FNTB: variants seen among roughly 807,000 people sequenced by gnomAD.
The protein encoded by FNTB is farnesyltransferase, CAAX box, subunit beta.
In FNTB, 27 loss-of-function variants were observed where a neutral mutation model predicts 59.4. That is an observed-to-expected ratio of 0.45 (90% CI 0.34 to 0.63). The LOEUF (loss-of-function observed/expected upper bound fraction) is 0.63. FNTB is among the 20% of genes least tolerant of loss of function. The pLI is 0.02. For synonymous variants in FNTB, 230 were observed against 220.7 expected (o/e 1.04, Z -0.37); for missense variants, 449 against 559.6 (o/e 0.80, Z 1.99).
chr14:65,010,745 T>TTTTG (rs1321549963), intron 2 of FNTB, among the ~76,000 whole-genome samples: 4 of 152,148 alleles, frequency 2.6e-5, no homozygotes, highest in Non-Finnish European at 4.4e-5. Flanking sequence ...ATCCTTGTTT[T>TTTTG]TTTGTTTGTT....
intron 9 of FNTB, among the ~76,000 whole-genome samples, chr14:65,049,929 A>G (rs1413902148): frequency 1.3e-5 from 2 of 152,144 alleles, no homozygotes; most frequent in African/African-American, 4.8e-5. Context: ...TTAAAAAGGA[A>G]ATCGTGAAGG....
chr14:64,989,727 C>T (rs564640361), intron 1 of FNTB, among the ~76,000 whole-genome samples: 44 of 152,300 alleles, frequency 2.9e-4, no homozygotes, highest in African/African-American at 1.0e-3. Flanking sequence ...GCGCCTTCTA[C>T]GTGCCAGGCA....
At chr14:65,060,913 G>A (rs1233973021) in intron 11 of FNTB, among the ~76,000 whole-genome samples, 3 of 140,102 alleles carry the variant, frequency 2.1e-5, no homozygotes, top group Non-Finnish European at 4.6e-5. Context: ...AGATAGTATT[G>A]TACATACTGT....
chr14:65,018,610 G>C (rs2139537473), intron 4 of FNTB, among the ~76,000 whole-genome samples: 1 of 152,128 alleles, frequency 6.6e-6, no homozygotes, highest in South Asian at 2.1e-4. Flanking sequence ...AAGAGTTCGA[G>C]ACCAGCCTGG....
intron 8 of FNTB, 61 bp downstream of exon 8, chr14:65,040,980 C>A: frequency 6.3e-7 from 1 of 1,588,882 alleles, no homozygotes; most frequent in South Asian, 1.1e-5. Flanking sequence ...TGATTGTACT[C>A]AGACATGCAG....
rs960182556 is a variant in FNTB, at chr14:65,053,355, T to C, written c.1067+6T>C. Reference sequence around the variant, plus strand: ...CTTCTGGATAAACCTGGCAAGTGAGTGTTTTCTCTCTGGGGAGGGAAGGGA... The same window carrying C: ...CTTCTGGATAAACCTGGCAAGTGAGCGTTTTCTCTCTGGGGAGGGAAGGGA... On this transcript the variant is annotated splice_donor_region_variant and intron_variant, in intron 10 of 11. Transcript: ENST00000246166. 4 of 1,415,146 alleles carry C rather than the reference T, an allele frequency of 2.8e-6. No homozygotes were observed. Among genetic ancestry groups the C allele is most frequent in the Non-Finnish European group, 3.7e-6 (4 of 1,075,770 alleles). The allele number at this position is 1,415,146 out of a possible 1,614,324, so 87.7% of individuals were successfully genotyped here.
Position 65,018,718 on chromosome 14 carries a change from G to A in FNTB, c.374+3002G>A, listed in dbSNP as rs144591967. Among the ~76,000 whole-genome samples the A allele has an allele frequency of 3.2e-3, 482 of 150,782 alleles. 2 individuals are homozygous for A. The highest frequency in any genetic ancestry group is 0.011 in the African/African-American group (452 of 41,014). On this transcript the variant is annotated intron_variant, in intron 4 of 11. Transcript: ENST00000246166. ...CCAGCTACTCGGGAGACTAAGGCAG[G>A]AGAATTGCTTGAATCTGGGAGGTGG...
chr14:64,987,899 T>A (rs575392230), intron 1 of FNTB, among the ~76,000 whole-genome samples: 1 of 152,346 alleles, frequency 6.6e-6, no homozygotes, highest in South Asian at 2.1e-4. Context: ...AAGGTTGCTA[T>A]GTGGAACTGT....
At chr14:65,053,698 A>G (rs771254421) in intron 10 of FNTB, among the ~76,000 whole-genome samples, 13 of 152,190 alleles carry the variant, frequency 8.5e-5, no homozygotes, top group Admixed American at 5.2e-4. Flanking sequence ...TGTTGTAAAC[A>G]GAGACTGTAA....
intron 10 of FNTB, among the ~76,000 whole-genome samples, 163 bp downstream of exon 10, chr14:65,053,512 C>G (rs2062658136): frequency 6.6e-6 from 1 of 152,084 alleles, no homozygotes; most frequent in Non-Finnish European, 1.5e-5. Flanking sequence ...GGGAGCACCC[C>G]TTGAGGCCAT....
chr14:65,035,434 C>T (rs2062166525), intron 7 of FNTB, among the ~76,000 whole-genome samples: 1 of 152,188 alleles, frequency 6.6e-6, no homozygotes, highest in Admixed American at 6.5e-5. Context: ...ACTGGTTAGG[C>T]ACAGACTAGA....
chr14:65,040,712 C>G, intron 7 of FNTB, 78 bp from the exon 8 acceptor site: 1 of 1,384,712 alleles, frequency 7.2e-7, no homozygotes, highest in Non-Finnish European at 9.5e-7. Flanking sequence ...AACTTTTTCT[C>G]TGCCACCTAG....
intron 8 of FNTB, among the ~76,000 whole-genome samples, chr14:65,042,504 G>A (rs1048463116): frequency 6.6e-6 from 1 of 152,172 alleles, no homozygotes; most frequent in Admixed American, 6.5e-5. Flanking sequence ...GTCAGGAAGT[G>A]GAGCTCAGGC....
At chr14:64,999,446 A>G (rs56381821) in intron 1 of FNTB, among the ~76,000 whole-genome samples, 9,542 of 152,290 alleles carry the variant, frequency 0.063, 475 homozygotes, top group Admixed American at 0.14. Context: ...TCAAAAACAA[A>G]GAAAGTAAAT....
At position 65,014,181 on chromosome 14, in the gene FNTB, G is replaced by T. The variant is rs905472912; in HGVS notation, c.283-1444G>T. Among the ~76,000 whole-genome samples, 19 of 152,292 alleles carry T rather than the reference G, an allele frequency of 1.2e-4. No homozygotes were observed. Among genetic ancestry groups the T allele is most frequent in the Admixed American group, 2.6e-4 (4 of 15,298 alleles). On this transcript the variant is annotated intron_variant, in intron 3 of 11. Transcript: ENST00000246166. This position sits in a 1 kb window ranked among gnomAD's most constrained non-coding sequence, Gnocchi z 5.1. Reference sequence around the variant, plus strand: ...TTGCTATTTTTATAATCTGAAAAAGGTTAATCTTTGGACCTCATTTATATA... The same window carrying T: ...TTGCTATTTTTATAATCTGAAAAAGTTTAATCTTTGGACCTCATTTATATA...
chr14:65,033,282 T>C (rs1226480099), intron 7 of FNTB, among the ~76,000 whole-genome samples: 1 of 152,240 alleles, frequency 6.6e-6, no homozygotes, highest in African/African-American at 2.4e-5. Context: ...TACTTAAAAT[T>C]TGAAACATGC....
intron 4 of FNTB, among the ~76,000 whole-genome samples, chr14:65,016,050 T>C (rs1273290423): frequency 6.6e-6 from 1 of 152,208 alleles, no homozygotes; most frequent in Admixed American, 6.5e-5. Context: ...AGTATGCATT[T>C]GAACAGCTTC....
rs1211456060 is a variant in FNTB, at chr14:65,032,013, T to TAC, written c.606-597_606-596insAC. ...GTGTGTGTGTGTGTGTGTGTGTGTGTGTGTGTACTGGTGAGAGGTTTGAAA... is the reference window on the plus strand; with the variant it reads ...GTGTGTGTGTGTGTGTGTGTGTGTGTACGTGTGTACTGGTGAGAGGTTTGAAA... On this transcript the variant is annotated intron_variant, in intron 6 of 11. Coordinates refer to ENST00000246166, the MANE Select transcript of FNTB (RefSeq NM_002028.4). This position sits in a 1 kb window ranked among gnomAD's most constrained non-coding sequence, Gnocchi z 5.0. Among the ~76,000 whole-genome samples the TAC allele has an allele frequency of 4.0e-5, 6 of 151,810 alleles. No individual in the cohort carries two copies. The highest frequency in any genetic ancestry group is 1.4e-4 in the African/African-American group (6 of 41,452).
chr14:65,013,637 C>T (rs1390355469), intron 3 of FNTB, among the ~76,000 whole-genome samples: 1 of 152,152 alleles, frequency 6.6e-6, no homozygotes, highest in Non-Finnish European at 1.5e-5. Flanking sequence ...GCAACCTCCG[C>T]CTCAGGTTCA....
Sources: gnomAD v4.1 joint callset for allele counts (sites outside exome capture counted in the v4.1 genomes callset) on GRCh38, gnomAD v4.1.1 for gene constraint, Gnocchi (gnomAD v3.1) non-coding constraint, MANE v1.5 for transcripts, NCBI Gene and HGNC (gene_info 2026-07-23, HGNC 2026-07-21) for gene names.